The following THSD7B variants were observed in gnomAD, a reference collection of about 807,000 sequenced individuals.
THSD7B encodes the protein thrombospondin type 1 domain containing 7B.
In THSD7B, 138 loss-of-function variants were observed where a neutral mutation model predicts 213.6. The ratio of observed to expected loss-of-function variants is 0.65; its 90% confidence interval spans 0.56 to 0.74. The LOEUF (loss-of-function observed/expected upper bound fraction) is 0.74, where lower values mean the gene tolerates loss of function less well. THSD7B is among the 30% of genes least tolerant of loss of function. The pLI is 0.00. For synonymous variants in THSD7B, 742 were observed against 687.0 expected (o/e 1.08, Z -1.25); for missense variants, 1,931 against 1,991.5 (o/e 0.97, Z 0.58).
At chr2:136,866,801 G>A (rs972532566) in intron 1 of THSD7B, among the ~76,000 whole-genome samples, 2 of 152,180 alleles carry the variant, frequency 1.3e-5, no homozygotes, top group Admixed American at 6.5e-5. Context: ...TATGAAAGGT[G>A]TAATGTTGAT....
Position 137,507,406 on chromosome 2 carries a change from G to A in THSD7B, c.3139-55815G>A, listed in dbSNP as rs528003174. Among the ~76,000 whole-genome samples, 9 of 152,248 alleles carry A rather than the reference G, an allele frequency of 5.9e-5. No individual in the cohort carries two copies. In the South Asian group the frequency reaches 6.2e-4, roughly 11 times the overall value. On this transcript the variant is annotated intron_variant, in intron 15 of 27. Transcript: ENST00000409968. Reference sequence around the variant, plus strand: ...ACAAATTCCCATAACTTTGGGGTTCGGTGATTTGAAAATTCTGGAGTGAAG... The same window carrying A: ...ACAAATTCCCATAACTTTGGGGTTCAGTGATTTGAAAATTCTGGAGTGAAG...
chr2:137,615,658 TAAG>T (rs1182300187), intron 17 of THSD7B, among the ~76,000 whole-genome samples: 4 of 152,184 alleles, frequency 2.6e-5, no homozygotes, highest in African/African-American at 7.2e-5. Context: ...CATTCCCAAA[TAAG>T]AAGAAGGTTC....
intron 9 of THSD7B, among the ~76,000 whole-genome samples, chr2:137,234,231 CCT>C (rs1159017335): frequency 6.6e-6 from 1 of 152,186 alleles, no homozygotes; most frequent in Non-Finnish European, 1.5e-5. Flanking sequence ...TACACCCTGC[CCT>C]CCATGGCAAA....
At chr2:137,306,905 G>T (rs954364758) in intron 12 of THSD7B, among the ~76,000 whole-genome samples, 1 of 151,954 alleles carries the variant, frequency 6.6e-6, no homozygotes, top group African/African-American at 2.4e-5. Flanking sequence ...TAGATAAATA[G>T]AACATAACAA....
chr2:137,150,955 G>A (rs939928570), intron 5 of THSD7B, among the ~76,000 whole-genome samples: 3 of 152,186 alleles, frequency 2.0e-5, no homozygotes, highest in African/African-American at 4.8e-5. Context: ...ATTAAAACCC[G>A]GCACATCTGT....
chr2:137,256,961 T>C (rs1168252075), intron 10 of THSD7B, among the ~76,000 whole-genome samples: 1 of 152,124 alleles, frequency 6.6e-6, no homozygotes, highest in Non-Finnish European at 1.5e-5. Context: ...GGTGAGAGCC[T>C]TCTTGCTCGT....
At chr2:137,353,050 C>T (rs1685048898) in intron 12 of THSD7B, among the ~76,000 whole-genome samples, 1 of 151,914 alleles carries the variant, frequency 6.6e-6, no homozygotes, top group South Asian at 2.1e-4. Context: ...ATAAAGGAGA[C>T]TACACAACTC....
At chr2:136,963,268 G>C (rs1249152124) in intron 2 of THSD7B, among the ~76,000 whole-genome samples, 1 of 152,110 alleles carries the variant, frequency 6.6e-6, no homozygotes, top group African/African-American at 2.4e-5. Flanking sequence ...GAAAGAATAG[G>C]AGGATAAATG....
At chr2:136,840,103 G>A (rs1331764264) in intron 1 of THSD7B, among the ~76,000 whole-genome samples, 1 of 152,174 alleles carries the variant, frequency 6.6e-6, no homozygotes, top group Non-Finnish European at 1.5e-5. Context: ...AAGAGGCTGA[G>A]CGTGGTGGCT....
At chr2:136,990,351 A>C (rs1213940831) in intron 2 of THSD7B, among the ~76,000 whole-genome samples, 1 of 152,218 alleles carries the variant, frequency 6.6e-6, no homozygotes, top group Non-Finnish European at 1.5e-5. Flanking sequence ...TGATAGAACA[A>C]GCTGGTGGAG....
chr2:137,471,330 TAA>T (rs2105092858), intron 15 of THSD7B, among the ~76,000 whole-genome samples: 1 of 152,286 alleles, frequency 6.6e-6, no homozygotes, highest in East Asian at 1.9e-4. Flanking sequence ...TTTAAATTGT[TAA>T]GTTATAAAAC....
intron 20 of THSD7B, among the ~76,000 whole-genome samples, chr2:137,626,940 A>G (rs1232021070): frequency 1.3e-5 from 2 of 152,200 alleles, no homozygotes; most frequent in Non-Finnish European, 2.9e-5. Context: ...AATTGCTATA[A>G]CAGAATACCT....
At chr2:136,765,953 C>T (rs548295882) in intron 1 of THSD7B, among the ~76,000 whole-genome samples, 10 of 152,336 alleles carry the variant, frequency 6.6e-5, no homozygotes, top group Admixed American at 5.2e-4. Context: ...CGGGCGGGGA[C>T]GCCCCACGCG....
At chr2:137,511,136 A>G (rs998485124) in intron 15 of THSD7B, among the ~76,000 whole-genome samples, 4 of 152,268 alleles carry the variant, frequency 2.6e-5, no homozygotes, top group Admixed American at 1.3e-4. Context: ...TGGATTGGAT[A>G]TTGATCTGTT....
chr2:137,657,183 T>C (rs1289252373), intron 24 of THSD7B, 23 bp downstream of exon 24: 2 of 1,609,640 alleles, frequency 1.2e-6, no homozygotes, highest in Non-Finnish European at 1.7e-6. Context: ...AAGACTCATG[T>C]GGGCACTTCA....
Position 137,232,882 on chromosome 2 carries a change from GTTC to G in THSD7B, c.1916-14_1916-12del. On this transcript the variant is annotated splice_polypyrimidine_tract_variant and intron_variant, in intron 8 of 27. Coordinates refer to ENST00000409968, the MANE Select transcript of THSD7B (RefSeq NM_001316349.2). ...CAGCAACCACTATGTATTACCTTTT[GTTC>G]TTATTTTTGGCAGGTGGAAAGCCAT... 1 of 1,612,242 alleles carries G rather than the reference GTTC, an allele frequency of 6.2e-7. No individual in the cohort carries two copies.
intron 3 of THSD7B, among the ~76,000 whole-genome samples, chr2:137,072,985 G>A (rs1245817653): frequency 1.3e-5 from 2 of 152,080 alleles, no homozygotes; most frequent in Non-Finnish European, 2.9e-5. Flanking sequence ...ACTTTTTGAT[G>A]TGCTGCTGGA....
At chr2:137,217,189 A>G (rs1217459999) in intron 7 of THSD7B, among the ~76,000 whole-genome samples, 1 of 152,212 alleles carries the variant, frequency 6.6e-6, no homozygotes, top group Non-Finnish European at 1.5e-5. Flanking sequence ...ACTGACAATC[A>G]GATGGTGCCT....
rs1414108366 is a variant in THSD7B at position 137,663,511 on chromosome 2, C to G, written c.4587C>G (p.Asn1529Lys). 1 of 1,607,486 alleles carries G rather than the reference C, an allele frequency of 6.2e-7. No individual in the cohort carries two copies. The highest frequency in any genetic ancestry group is 8.5e-7 in the Non-Finnish European group (1 of 1,176,594). The change falls in exon 26 of 28, where the codon AAC becomes AAG. Residue 1529 changes from asparagine to lysine, a missense_variant. Coordinates refer to ENST00000409968, the MANE Select transcript of THSD7B (RefSeq NM_001316349.2). ...KADVKNLSGK[N>K]RPVNSKIHDI... ...ATGTGAAAAACCTTTCTGGGAAAAA[C>G]AGACCTGTGAATTCAAAAATACATG...
Sources: gnomAD v4.1 joint callset for allele counts (sites outside exome capture counted in the v4.1 genomes callset) on GRCh38, gnomAD v4.1.1 for gene constraint, MANE v1.5 for transcripts, NCBI Gene and HGNC (gene_info 2026-07-23, HGNC 2026-07-21) for gene names.